The following KCNMA1 variants were observed in gnomAD, a reference collection of about 807,000 sequenced individuals.
KCNMA1 encodes the protein potassium calcium-activated channel subfamily M alpha 1.
KCNMA1 carries 29 observed loss-of-function variants against 140.0 expected under a neutral mutation model. The observed-to-expected ratio is 0.21, with a 90% CI of 0.15 to 0.28. KCNMA1 has a LOEUF of 0.28. KCNMA1 is among the 10% of genes least tolerant of loss of function. The probability of loss-of-function intolerance (pLI) is 1.00; values close to 1 mark genes in which losing one functional copy is unlikely to be tolerated. For missense variants in KCNMA1, 880 were observed against 1,602.2 expected (o/e 0.55, Z 7.70); for synonymous variants, 612 against 611.9 (o/e 1.00, Z 0.00).
At chr10:76,873,039 A>C (rs1284155307), downstream of KCNMA1, 1 of 152,060 alleles carries the variant, frequency 6.6e-6, no homozygotes, top group African/African-American at 2.4e-5. Flanking sequence ...TCTCCAATCT[A>C]TCCATGTGGG....
chr10:77,142,389 A>G (rs986011108), intron 5 of KCNMA1, among the ~76,000 whole-genome samples: 1 of 151,830 alleles, frequency 6.6e-6, no homozygotes, highest in Non-Finnish European at 1.5e-5. Flanking sequence ...AAAAGAAAAG[A>G]AAAGAAAAAA....
chr10:77,288,214 A>G (rs969731392), intron 2 of KCNMA1, among the ~76,000 whole-genome samples: 5 of 152,250 alleles, frequency 3.3e-5, no homozygotes, highest in African/African-American at 7.2e-5. Context: ...CAATAAAATC[A>G]GAGTCCAAGT....
intron 19 of KCNMA1, chr10:76,970,341 A>G: frequency 2.5e-6 from 1 of 397,196 alleles, no homozygotes; most frequent in Non-Finnish European, 4.6e-6. Flanking sequence ...AAAAAAAAAA[A>G]AAAAAAGAAA....
chr10:77,032,191 A>C (rs2093984305), intron 15 of KCNMA1, among the ~76,000 whole-genome samples: 1 of 152,128 alleles, frequency 6.6e-6, no homozygotes, highest in Admixed American at 6.5e-5. Context: ...ACCCTTATGT[A>C]CCCCTTACAC....
intron 19 of KCNMA1, among the ~76,000 whole-genome samples, chr10:76,995,988 C>T (rs1263120949): frequency 2.6e-5 from 4 of 152,148 alleles, no homozygotes; most frequent in African/African-American, 7.2e-5. Context: ...CTACTGTTCC[C>T]GTCTCCTTTC....
At chr10:77,013,355 C>A (rs1406694872) in intron 17 of KCNMA1, among the ~76,000 whole-genome samples, 1 of 152,036 alleles carries the variant, frequency 6.6e-6, no homozygotes, top group Non-Finnish European at 1.5e-5. Flanking sequence ...GAATCCAAGT[C>A]CAATGCTTGC....
At chr10:77,600,897 C>G (rs2154566332) in intron 1 of KCNMA1, among the ~76,000 whole-genome samples, 1 of 152,316 alleles carries the variant, frequency 6.6e-6, no homozygotes, top group South Asian at 2.1e-4. Flanking sequence ...TAAGCTCACT[C>G]CACTCCACCA....
At chr10:77,533,835 C>T (rs1370431455) in intron 1 of KCNMA1, among the ~76,000 whole-genome samples, 3 of 152,164 alleles carry the variant, frequency 2.0e-5, no homozygotes, top group African/African-American at 7.2e-5. Flanking sequence ...GTGACTGTTC[C>T]TTACCACCTC....
chr10:77,484,315 A>C (rs1218635339), intron 1 of KCNMA1, among the ~76,000 whole-genome samples: 1 of 152,234 alleles, frequency 6.6e-6, no homozygotes, highest in Non-Finnish European at 1.5e-5. Context: ...GATGTGCCCA[A>C]GGTCACAGAG....
chr10:77,265,282 C>G (rs1357705854), intron 2 of KCNMA1, among the ~76,000 whole-genome samples: 3 of 152,174 alleles, frequency 2.0e-5, no homozygotes, highest in Non-Finnish European at 4.4e-5. Flanking sequence ...AAACTCCTGA[C>G]CTCAAATGAT....
chr10:77,510,880 A>C (rs1267531799), intron 1 of KCNMA1, among the ~76,000 whole-genome samples: 4 of 152,212 alleles, frequency 2.6e-5, no homozygotes, highest in Non-Finnish European at 5.9e-5. Flanking sequence ...CCAATTAACA[A>C]CACATGGAGA....
At chr10:77,541,922 A>G (rs1456666780) in intron 1 of KCNMA1, among the ~76,000 whole-genome samples, 6 of 152,220 alleles carry the variant, frequency 3.9e-5, no homozygotes, top group African/African-American at 1.2e-4. Context: ...CAAGTTTGCT[A>G]AAACATGGAG....
chr10:77,436,699 A>G (rs2097268765), intron 1 of KCNMA1, among the ~76,000 whole-genome samples: 1 of 152,218 alleles, frequency 6.6e-6, no homozygotes, highest in Non-Finnish European at 1.5e-5. Flanking sequence ...CATGACATGG[A>G]ACTTCCTAAG....
chr10:77,429,861 C>A (rs1271910427), intron 1 of KCNMA1, among the ~76,000 whole-genome samples: 5 of 152,042 alleles, frequency 3.3e-5, no homozygotes, highest in African/African-American at 9.7e-5. Flanking sequence ...ACAAGAGGAA[C>A]TGAAGCAATA....
At chr10:76,896,254 C>A (rs1253985610) in intron 25 of KCNMA1, among the ~76,000 whole-genome samples, 1 of 152,150 alleles carries the variant, frequency 6.6e-6, no homozygotes, top group Admixed American at 6.5e-5. Flanking sequence ...ATTAATATTC[C>A]TTACTGGGGA....
chr10:77,591,032 G>A (rs1342068208), intron 1 of KCNMA1, among the ~76,000 whole-genome samples: 1 of 152,296 alleles, frequency 6.6e-6, no homozygotes, highest in Non-Finnish European at 1.5e-5. Flanking sequence ...CTCATATGGT[G>A]CCAGCAGACA....
At chr10:77,405,616 T>A (rs1463654910) in intron 1 of KCNMA1, among the ~76,000 whole-genome samples, 1 of 152,148 alleles carries the variant, frequency 6.6e-6, no homozygotes, top group Non-Finnish European at 1.5e-5. Context: ...TCTAACAATG[T>A]ACATTTAACT....
chr10:76,997,120 G>T (rs1460786179), intron 19 of KCNMA1, among the ~76,000 whole-genome samples: 1 of 152,072 alleles, frequency 6.6e-6, no homozygotes, highest in Non-Finnish European at 1.5e-5. Context: ...CAAACCAAAG[G>T]CTACTCAGGA....
intron 6 of KCNMA1, among the ~76,000 whole-genome samples, chr10:77,117,561 A>AAAAG (rs1554837397): frequency 7.1e-4 from 104 of 147,486 alleles, no homozygotes; most frequent in African/African-American, 2.6e-3. Flanking sequence ...AAAAAAAAAA[A>AAAAG]AAAAGAAAAG....
Sources: gnomAD v4.1 joint callset for allele counts (sites outside exome capture counted in the v4.1 genomes callset) on GRCh38, gnomAD v4.1.1 for gene constraint, MANE v1.5 for transcripts, NCBI Gene and HGNC (gene_info 2026-07-23, HGNC 2026-07-21) for gene names.